The following PLEKHH1 variants were observed in gnomAD, a reference collection of about 807,000 sequenced individuals.
PLEKHH1 encodes pleckstrin homology, MyTH4 and FERM domain containing H1, also known as pleckstrin homology domain-containing family H member 1.
A neutral mutation model predicts 160.0 loss-of-function variants in PLEKHH1; 104 were observed. The observed-to-expected ratio is 0.65, with a 90% CI of 0.55 to 0.76. The LOEUF is 0.76. Ranked by LOEUF, PLEKHH1 falls within the 30% of genes least tolerant of loss-of-function variation. PLEKHH1 has a pLI of 0.00. For missense variants in PLEKHH1, 1,427 were observed against 1,724.1 expected, an observed-to-expected ratio of 0.83 and a Z score of 3.05; for synonymous variants, 619 against 678.4, an observed-to-expected ratio of 0.91 and a Z score of 1.36.
intron 2 of PLEKHH1, among the ~76,000 whole-genome samples, chr14:67,552,146 T>C (rs548431269): frequency 6.6e-6 from 1 of 152,328 alleles, no homozygotes; most frequent in Admixed American, 6.5e-5. Flanking sequence ...ATGTGTCTTA[T>C]GTGCAGCTGG....
chr14:67,565,524 G>A (rs887853356), intron 7 of PLEKHH1, among the ~76,000 whole-genome samples: 1 of 152,138 alleles, frequency 6.6e-6, no homozygotes, highest in African/African-American at 2.4e-5. Flanking sequence ...TACCCGGTCT[G>A]AGAGCCAGGC....
At chr14:67,585,692 TTC>T in intron 27 of PLEKHH1, 38 bp downstream of exon 27, 1 of 1,375,954 alleles carries the variant, frequency 7.3e-7, no homozygotes, top group Non-Finnish European at 1.0e-6. Flanking sequence ...ACCCCTCCTC[TTC>T]CTCAACATGG....
Position 67,585,667 on chromosome 14 carries a change from G to A in PLEKHH1, c.3786+13G>A, listed in dbSNP as rs368973536. 2.0e-6 allele frequency: 3 copies of A among 1,522,608 alleles called. No homozygotes were observed. The African/African-American group carries it at 4.1e-5, about 21-fold the overall frequency. The allele number at this position is 1,522,608 out of a possible 1,614,324, so 94.3% of individuals were successfully genotyped here. A position where few individuals can be genotyped will look rare whatever the true frequency, so the allele number is the denominator to read the frequency against. Reference sequence around the variant, plus strand: ...CCACAACACTATGGTATGAAAGGATGCAGGCTGCTCCCTGACCCCTCCTCT... The same window carrying A: ...CCACAACACTATGGTATGAAAGGATACAGGCTGCTCCCTGACCCCTCCTCT... On this transcript the variant is annotated intron_variant, in intron 27 of 28. Coordinates refer to ENST00000329153, the MANE Select transcript of PLEKHH1 (RefSeq NM_020715.3).
intron 7 of PLEKHH1, among the ~76,000 whole-genome samples, chr14:67,564,055 C>A (rs923426830): frequency 6.6e-6 from 1 of 152,048 alleles, no homozygotes; most frequent in Admixed American, 6.5e-5. Context: ...GCACCTGCCA[C>A]CACGCCCGGC....
In PLEKHH1 at chr14:67,573,230, C is replaced by A. The variant is rs1196458458; in HGVS notation, c.1729-46C>A. 8.3e-7 allele frequency: 1 copy of A among 1,211,840 alleles called. No homozygotes were observed. The highest frequency in any genetic ancestry group is 1.2e-5 in the South Asian group (1 of 82,804). The allele number at this position is 1,211,840 out of a possible 1,614,324, so 75.1% of individuals were successfully genotyped here. A position where few individuals can be genotyped will look rare whatever the true frequency, so the allele number is the denominator to read the frequency against. On this transcript the variant is annotated intron_variant, in intron 11 of 28. Coordinates refer to ENST00000329153, the MANE Select transcript of PLEKHH1 (RefSeq NM_020715.3). This position sits in a 1 kb window ranked among gnomAD's most constrained non-coding sequence, Gnocchi z 4.8. ...TTGGACCTGTGTGATGTCTAGGAGC[C>A]CTGAGTGATTTCCCCTTTCTTCATC...
Position 67,582,365 on chromosome 14 carries a change from G to C in PLEKHH1, c.3426+155G>C, listed in dbSNP as rs1272414140. 7.8e-7 allele frequency: 1 copy of C among 1,282,498 alleles called. No homozygotes were observed. Among genetic ancestry groups the C allele is most frequent in the Non-Finnish European group, 1.1e-6 (1 of 921,160 alleles). The allele number at this position is 1,282,498 out of a possible 1,614,324, so 79.4% of individuals were successfully genotyped here. A position where few individuals can be genotyped will look rare whatever the true frequency, so the allele number is the denominator to read the frequency against. On this transcript the variant is annotated intron_variant, in intron 24 of 28. Coordinates refer to ENST00000329153, the MANE Select transcript of PLEKHH1 (RefSeq NM_020715.3). This position sits in a 1 kb window ranked among gnomAD's most constrained non-coding sequence, Gnocchi z 5.0. ...GGATGGAAAGCAGCTGACTTCTACA[G>C]ATCAGAGCTCCTCACTCACCGCAGA...
chr14:67,578,048 C>T lies in PLEKHH1; in HGVS notation c.2600C>T (p.Pro867Leu), dbSNP rs752782913. 24 of 1,613,784 alleles carry T rather than the reference C, an allele frequency of 1.5e-5. No homozygotes were observed. The highest frequency in any genetic ancestry group is 6.6e-5 in the South Asian group (6 of 91,056). ...TCCTGCCAGCTCTTCATCAACGTGC[C>T]GGTGGAAGCTGCCTCGGTGGACTAC... ...FKSCQLFINVPVEAASVDYHV... is the reference protein window; with the variant it reads ...FKSCQLFINVLVEAASVDYHV... The change falls in exon 19 of 29, where the codon CCG becomes CTG. Residue 867 changes from proline (P) to leucine (L), a missense_variant. Transcript: ENST00000329153. The surrounding 1 kb of genome is among the most constrained non-coding windows in gnomAD (Gnocchi z 5.0).
intron 2 of PLEKHH1, among the ~76,000 whole-genome samples, chr14:67,554,299 A>AAGGATT (rs2034509842): frequency 6.6e-6 from 1 of 152,052 alleles, no homozygotes; most frequent in Non-Finnish European, 1.5e-5. Context: ...GGAAAGAGAG[A>AAGGATT]AGGATTGATC....
intron 18 of PLEKHH1, 84 bp from the exon 19 acceptor site, chr14:67,577,939 A>C: frequency 7.9e-7 from 1 of 1,272,858 alleles, no homozygotes; most frequent in Non-Finnish European, 1.1e-6. Flanking sequence ...ACCTCCCTGG[A>C]GCCCTTGGAA....
intron 2 of PLEKHH1, among the ~76,000 whole-genome samples, chr14:67,552,590 A>AC (rs1566731130): frequency 6.6e-6 from 1 of 151,854 alleles, no homozygotes; most frequent in Non-Finnish European, 1.5e-5. Context: ...ACACGGTGAA[A>AC]CCCCGTCTCT....
rs751562353 is a variant in PLEKHH1, at chr14:67,578,804, G to A, written c.2849+173G>A. Among the ~76,000 whole-genome samples, 3 of 152,118 alleles carry A rather than the reference G, an allele frequency of 2.0e-5. No individual in the cohort carries two copies. Among genetic ancestry groups the A allele is most frequent in the Admixed American group, 1.3e-4 (2 of 15,272 alleles). On this transcript the variant is annotated intron_variant, in intron 20 of 28. Coordinates refer to ENST00000329153, the MANE Select transcript of PLEKHH1 (RefSeq NM_020715.3). This position sits in a 1 kb window ranked among gnomAD's most constrained non-coding sequence, Gnocchi z 5.0. Reference sequence around the variant, plus strand: ...GCACAAATGGGCACGTGTGGATCTGGGCATGCTTAAGCTTCTCTGCACGCC... The same window carrying A: ...GCACAAATGGGCACGTGTGGATCTGAGCATGCTTAAGCTTCTCTGCACGCC...
rs374584051 is a variant in PLEKHH1, at chr14:67,580,938, A to G, written c.3184A>G (p.Ile1062Val). 6 of 1,606,980 alleles carry G rather than the reference A, an allele frequency of 3.7e-6. No individual in the cohort carries two copies. The South Asian group carries it at 5.5e-5, about 15-fold the overall frequency. ...LEHCLQGSVK[I>V]CDAISKWEQA... is the part of the protein sequence containing the mutation. ...GACTTTCTTCTTTTGCCTTTTCAAG[A>G]TCTGTGATGCCATCTCCAAGTGGGA... is the stretch of plus-strand genomic sequence containing the variant. The change falls in exon 23 of 29, where the codon ATC becomes GTC. Residue 1062 changes from isoleucine to valine, a missense_variant and splice_region_variant. By Grantham distance (29) the Ile-to-Val change is conservative (BLOSUM62 3). Around this residue, in one of 6 missense-constraint regions of PLEKHH1, gnomAD observed 436 missense variants for 607.5 expected, o/e 0.72. Transcript: ENST00000329153.
At position 67,573,751 on chromosome 14, in the gene PLEKHH1, C is replaced by A. The variant is rs775725895; in HGVS notation, c.1840-50C>A. 4.1e-6 allele frequency: 5 copies of A among 1,215,756 alleles called. No individual in the cohort carries two copies. The highest frequency in any genetic ancestry group is 6.1e-6 in the Non-Finnish European group (5 of 815,956). 75.3% of individuals were successfully genotyped at this position (1,215,756 alleles called of 1,614,324 possible). A position where few individuals can be genotyped will look rare whatever the true frequency, so the allele number is the denominator to read the frequency against. On this transcript the variant is annotated intron_variant, in intron 12 of 28. Transcript: ENST00000329153. This position sits in a 1 kb window ranked among gnomAD's most constrained non-coding sequence, Gnocchi z 4.8. ...AGATCTGAGGGTAAATGAGGTGCTCCGGAAAGGCTCCACATTCAGTGGCTC... is the reference window on the plus strand; with the variant it reads ...AGATCTGAGGGTAAATGAGGTGCTCAGGAAAGGCTCCACATTCAGTGGCTC...
At chr14:67,553,138 G>A (rs1005935493) in intron 2 of PLEKHH1, among the ~76,000 whole-genome samples, 2 of 151,312 alleles carry the variant, frequency 1.3e-5, no homozygotes, top group Non-Finnish European at 3.0e-5. Context: ...ATCAGATGAA[G>A]TCAGAAAATA....
In PLEKHH1 at chr14:67,583,860, T is replaced by G; in HGVS notation, c.3546T>G (p.His1182Gln). The G allele has an allele frequency of 6.2e-7, 1 of 1,613,672 alleles. No individual in the cohort carries two copies. Among genetic ancestry groups the G allele is most frequent in the Non-Finnish European group, 8.5e-7 (1 of 1,179,740 alleles). ...GGTTCCACCCCAGGCGCTATAGACATGGGGCCCCCGCTGAACAGCTGAGGT... is the reference window on the plus strand; with the variant it reads ...GGTTCCACCCCAGGCGCTATAGACAGGGGGCCCCCGCTGAACAGCTGAGGT... ...LDRFHPRRYR[H>Q]GAPAEQLRHL... The change falls in exon 25 of 29, where the codon CAT becomes CAG. Residue 1182 changes from histidine (H) to glutamine (Q), a missense_variant. By Grantham distance (24) the His-to-Gln change is conservative. Around this residue, in one of 6 missense-constraint regions of PLEKHH1, gnomAD observed 436 missense variants for 607.5 expected, o/e 0.72. Transcript: ENST00000329153.
In PLEKHH1 at chr14:67,589,254, C is replaced by G. The variant is rs879698118; in HGVS notation, c.*2019C>G. On this transcript the variant is annotated 3_prime_UTR_variant, in exon 29 of 29. Coordinates refer to ENST00000329153, the MANE Select transcript of PLEKHH1 (RefSeq NM_020715.3). ...CCACCCTCTCTCCTCCCCAACCCTT[C>G]AGGAACCCTTTAGTTTATTAATCTT... 3.2e-5 allele frequency: 24 copies of G among 758,014 alleles called. No homozygotes were observed. Among genetic ancestry groups the G allele is most frequent in the Middle Eastern group, 6.6e-4 (1 of 1,524 alleles). The allele number at this position is 758,014 out of a possible 1,614,324, so 47.0% of individuals were successfully genotyped here. A position where few individuals can be genotyped will look rare whatever the true frequency, so the allele number is the denominator to read the frequency against.
chr14:67,579,546 A>G (rs1017034452), intron 21 of PLEKHH1, 175 bp from the exon 22 acceptor site: 18 of 671,054 alleles, frequency 2.7e-5, no homozygotes, highest in Non-Finnish European at 3.7e-5. Context: ...TACAGTGGAT[A>G]AGCTCACATC....
Position 67,575,491 on chromosome 14 carries a change from A to G in PLEKHH1, c.2169+19A>G, listed in dbSNP as rs763072600. The G allele has an allele frequency of 2.4e-5, 35 of 1,468,348 alleles. No homozygotes were observed. The highest frequency in any genetic ancestry group is 3.2e-5 in the Non-Finnish European group (34 of 1,059,240). 91.0% of individuals were successfully genotyped at this position (1,468,348 alleles called of 1,614,324 possible). On this transcript the variant is annotated intron_variant, in intron 15 of 28. Coordinates refer to ENST00000329153, the MANE Select transcript of PLEKHH1 (RefSeq NM_020715.3). ...GGACAAGGTACTTCTCAGCCTCCTC[A>G]CAATACCCACTCTCCTGCTTCCCCC...
chr14:67,571,578 G>A (rs1053057707), intron 9 of PLEKHH1, 174 bp from the exon 10 acceptor site: 17 of 590,114 alleles, frequency 2.9e-5, no homozygotes, highest in African/African-American at 1.5e-4. Flanking sequence ...AAGCATGGAG[G>A]TCATGACACA....
Sources: gnomAD v4.1 joint callset for allele counts (sites outside exome capture counted in the v4.1 genomes callset) on GRCh38, gnomAD v4.1.1 for gene constraint, gnomAD v4.1.1 regional missense constraint, Gnocchi (gnomAD v3.1) non-coding constraint, MANE v1.5 for transcripts, NCBI Gene and HGNC (gene_info 2026-07-23, HGNC 2026-07-21) for gene names.